TMTC1: variants seen among roughly 807,000 people sequenced by gnomAD.
TMTC1 encodes the protein protein O-mannosyl-transferase TMTC1.
A neutral mutation model predicts 104.8 loss-of-function variants in TMTC1; 73 were observed. The observed-to-expected ratio is 0.70, with a 90% CI of 0.58 to 0.85. The LOEUF is 0.85. Among genes scored for constraint, TMTC1 ranks in the 40% least tolerant of loss-of-function variants. The probability of loss-of-function intolerance (pLI) is 0.00; values close to 1 mark genes in which losing one functional copy is unlikely to be tolerated. For missense variants in TMTC1, 1,035 were observed against 1,096.1 expected, an observed-to-expected ratio of 0.94 and a Z score of 0.79; for synonymous variants, 434 against 428.7, an observed-to-expected ratio of 1.01 and a Z score of -0.15.
At chr12:29,615,793 G>C (rs181578559) in intron 6 of TMTC1, among the ~76,000 whole-genome samples, 4 of 152,310 alleles carry the variant, frequency 2.6e-5, no homozygotes, top group Admixed American at 2.6e-4. Flanking sequence ...TCCTTTTTCA[G>C]GTGGTATTGC....
At chr12:29,517,332 C>T in intron 14 of TMTC1, 95 bp downstream of exon 14, 2 of 1,382,478 alleles carry the variant, frequency 1.4e-6, no homozygotes, top group Non-Finnish European at 2.0e-6. Context: ...TATATTACGG[C>T]ATTCCAGCTC....
rs1946047387 is a variant in TMTC1 at position 29,583,691 on chromosome 12, T to C, written c.1251-117A>G. The C allele has an allele frequency of 6.7e-6, 6 of 901,400 alleles. No individual in the cohort carries two copies. In the Admixed American group the frequency reaches 8.9e-5, roughly 13 times the overall value. The allele number at this position is 901,400 out of a possible 1,614,324, so 55.8% of individuals were successfully genotyped here. A position where few individuals can be genotyped will look rare whatever the true frequency, so the allele number is the denominator to read the frequency against. ...GCTTGTCCTGTGCTAGAGAAACAAA[T>C]AGAAACTCCCCTGCCTTGGACAATA... is the stretch of plus-strand genomic sequence containing the variant. On this transcript the variant is annotated intron_variant, in intron 7 of 17. Transcript: ENST00000539277.
intron 5 of TMTC1, among the ~76,000 whole-genome samples, chr12:29,656,440 T>C (rs865941159): frequency 4.0e-5 from 6 of 150,926 alleles, no homozygotes; most frequent in Admixed American, 4.0e-4. Context: ...CTGCAACCTC[T>C]GCCTCCCCAG....
intron 7 of TMTC1, among the ~76,000 whole-genome samples, chr12:29,587,289 T>C (rs1418985349): frequency 3.3e-5 from 5 of 152,066 alleles, no homozygotes; most frequent in Admixed American, 3.3e-4. Flanking sequence ...ATATCCCCTT[T>C]ATCATTTTTT....
chr12:29,610,436 G>A (rs1377399186), intron 6 of TMTC1, among the ~76,000 whole-genome samples: 1 of 152,204 alleles, frequency 6.6e-6, no homozygotes, highest in Non-Finnish European at 1.5e-5. Flanking sequence ...TTTCTCAATA[G>A]CTGGAGAAGA....
At chr12:29,629,112 G>A (rs892556207) in intron 6 of TMTC1, among the ~76,000 whole-genome samples, 5 of 152,034 alleles carry the variant, frequency 3.3e-5, no homozygotes, top group East Asian at 3.9e-4. Context: ...GAGGTCAGGA[G>A]ATTGAGACCA....
intron 5 of TMTC1, among the ~76,000 whole-genome samples, chr12:29,734,099 G>A (rs979951265): frequency 6.6e-6 from 1 of 152,120 alleles, no homozygotes; most frequent in Non-Finnish European, 1.5e-5. Flanking sequence ...TACAGAATGT[G>A]TCCTAAAATA....
At chr12:29,771,075 A>C (rs1943584677) in intron 1 of TMTC1, among the ~76,000 whole-genome samples, 1 of 152,194 alleles carries the variant, frequency 6.6e-6, no homozygotes, top group African/African-American at 2.4e-5. Context: ...TGAGATCTCC[A>C]GTGTATGTCA....
chr12:29,759,237 T>C (rs1311928024), intron 2 of TMTC1, among the ~76,000 whole-genome samples: 1 of 152,238 alleles, frequency 6.6e-6, no homozygotes, highest in African/African-American at 2.4e-5. Context: ...GGCTCACATC[T>C]GTAATCTCAG....
At chr12:29,775,423 A>T (rs1480362978) in intron 1 of TMTC1, among the ~76,000 whole-genome samples, 1 of 151,994 alleles carries the variant, frequency 6.6e-6, no homozygotes, top group Non-Finnish European at 1.5e-5. Flanking sequence ...GCCTCCCACA[A>T]CTCCCTCAGG....
chr12:29,610,159 C>T (rs770891791), intron 6 of TMTC1, among the ~76,000 whole-genome samples: 3 of 152,264 alleles, frequency 2.0e-5, no homozygotes, highest in Non-Finnish European at 2.9e-5. Context: ...GATTGACCAG[C>T]GAGTGAAAAC....
intron 5 of TMTC1, among the ~76,000 whole-genome samples, chr12:29,668,174 C>T (rs1419680153): frequency 2.0e-5 from 3 of 152,206 alleles, no homozygotes; most frequent in African/African-American, 7.2e-5. Flanking sequence ...GACTGAGTAA[C>T]TTACAAAGAA....
chr12:29,570,832 A>T (rs1433169906), intron 9 of TMTC1, among the ~76,000 whole-genome samples: 7 of 192 alleles, frequency 0.036, no homozygotes, highest in Admixed American at 0.12. Context: ...TGACAGAGCG[A>T]GAGACTCCGT....
intron 5 of TMTC1, among the ~76,000 whole-genome samples, chr12:29,742,507 T>C (rs765191391): frequency 1.3e-5 from 2 of 152,150 alleles, no homozygotes; most frequent in Non-Finnish European, 2.9e-5. Flanking sequence ...GTATCAAAAA[T>C]TCACAAATCT....
At chr12:29,706,651 G>A (rs529882177) in intron 5 of TMTC1, among the ~76,000 whole-genome samples, 2 of 152,130 alleles carry the variant, frequency 1.3e-5, no homozygotes, top group Admixed American at 6.5e-5. Flanking sequence ...ACAGACTCCA[G>A]GAATCTTAAA....
intron 5 of TMTC1, among the ~76,000 whole-genome samples, chr12:29,704,147 T>C (rs1490298031): frequency 1.3e-5 from 2 of 152,218 alleles, no homozygotes; most frequent in Non-Finnish European, 2.9e-5. Flanking sequence ...CTAAAAATAA[T>C]AATTTCAGAG....
intron 5 of TMTC1, among the ~76,000 whole-genome samples, chr12:29,741,794 C>A (rs1015139343): frequency 6.6e-6 from 1 of 152,202 alleles, no homozygotes; most frequent in East Asian, 1.9e-4. Context: ...ATTACGTCTA[C>A]ATTTCCTGCT....
At chr12:29,728,206 G>C (rs1942451844) in intron 5 of TMTC1, among the ~76,000 whole-genome samples, 1 of 152,124 alleles carries the variant, frequency 6.6e-6, no homozygotes, top group Admixed American at 6.5e-5. Context: ...GGATCCATGG[G>C]GCAGAAGGGA....
chr12:29,620,744 T>C (rs1221303991), intron 6 of TMTC1, among the ~76,000 whole-genome samples: 3 of 152,154 alleles, frequency 2.0e-5, no homozygotes, highest in Non-Finnish European at 4.4e-5. Context: ...TGGGCCAAAG[T>C]TGACTAAAAC....
Sources: allele counts gnomAD v4.1 joint callset (sites outside exome capture counted in the v4.1 genomes callset), GRCh38; gene constraint gnomAD v4.1.1; transcripts MANE v1.5; gene names NCBI Gene and HGNC (gene_info 2026-07-23, HGNC 2026-07-21).